Variants in ATXN8OS observed in about 807,000 individuals in gnomAD.
The protein encoded by ATXN8OS is ATXN8 opposite strand lncRNA.
intron 4 of ATXN8OS, among the ~76,000 whole-genome samples, chr13:70,155,556 T>C (rs9542190): frequency 0.4 from 61,330 of 152,032 alleles, 15,182 homozygotes; most frequent in South Asian, 0.55. Context: ...ATAAAGCTTC[T>C]CTCTATTTGC....
At chr13:70,149,523 C>T (rs1779677581) in intron 4 of ATXN8OS, among the ~76,000 whole-genome samples, 1 of 151,946 alleles carries the variant, frequency 6.6e-6, no homozygotes, top group South Asian at 2.1e-4. Flanking sequence ...AAACTGTTTC[C>T]TGGAATCCTT....
chr13:70,145,494 T>C (rs868613929), intron 3 of ATXN8OS, among the ~76,000 whole-genome samples: 26 of 152,172 alleles, frequency 1.7e-4, no homozygotes, highest in African/African-American at 6.0e-4. Flanking sequence ...CATGGAATGT[T>C]CTTCCATTTG....
chr13:70,135,582 G>A (rs1037857421), intron 3 of ATXN8OS, among the ~76,000 whole-genome samples: 1 of 151,964 alleles, frequency 6.6e-6, no homozygotes, highest in African/African-American at 2.4e-5. Context: ...GCTTCCTACT[G>A]GGAAGTTCTG....
intron 1 of ATXN8OS, among the ~76,000 whole-genome samples, chr13:70,114,750 C>T (rs1427161122): frequency 6.6e-6 from 1 of 152,118 alleles, no homozygotes; most frequent in Non-Finnish European, 1.5e-5. Flanking sequence ...TTCATTCTAT[C>T]TTGATACAAA....
At chr13:70,168,423 T>A (rs1370004643) in intron 4 of ATXN8OS, among the ~76,000 whole-genome samples, 1 of 152,056 alleles carries the variant, frequency 6.6e-6, no homozygotes, top group Admixed American at 6.6e-5. Context: ...TGTTGCTGAC[T>A]ATAGTTATCC....
At chr13:70,155,798 A>C (rs565418591) in intron 4 of ATXN8OS, among the ~76,000 whole-genome samples, 2 of 72,902 alleles carry the variant, frequency 2.7e-5, no homozygotes, top group African/African-American at 2.0e-4. Flanking sequence ...AAACTGAGAC[A>C]AAAAAAAAAT....
intron 4 of ATXN8OS, among the ~76,000 whole-genome samples, chr13:70,152,380 TACATATATATAC>T (rs1428655213): frequency 2.6e-5 from 4 of 151,916 alleles, no homozygotes. Flanking sequence ...TATATATGTA[TACATATATATAC>T]ACATATATAC....
chr13:70,151,318 G>T (rs926579542), intron 4 of ATXN8OS, among the ~76,000 whole-genome samples: 2 of 151,790 alleles, frequency 1.3e-5, no homozygotes, highest in South Asian at 4.1e-4. Context: ...CCCTTCCCCC[G>T]GCAACTGACA....
intron 2 of ATXN8OS, among the ~76,000 whole-genome samples, chr13:70,119,186 G>C (rs1888324566): frequency 1.3e-5 from 2 of 151,968 alleles, no homozygotes; most frequent in Non-Finnish European, 2.9e-5. Context: ...TACAGCTTAT[G>C]CATCAGTTTT....
chr13:70,129,917 T>C lies in ATXN8OS; in HGVS notation n.499+33T>C, dbSNP rs577763220. On this transcript the variant is annotated intron_variant and non_coding_transcript_variant, in intron 3 of 4. Coordinates refer to ENST00000678624, the Ensembl canonical transcript of ATXN8OS. ...CATCAAAAGGTTGTACTGGTGATAA[T>C]GGCCAGGTGTGTGCCATTAGTGCCT... 54 of 398,444 alleles carry C rather than the reference T, an allele frequency of 1.4e-4. 1 individual carries two copies. The highest frequency in any genetic ancestry group is 1.0e-3 in the African/African-American group (50 of 48,736). The allele number at this position is 398,444 out of a possible 1,614,324, so 24.7% of individuals were successfully genotyped here.
chr13:70,161,048 G>T (rs1212380928), intron 4 of ATXN8OS, among the ~76,000 whole-genome samples: 2 of 151,258 alleles, frequency 1.3e-5, no homozygotes, highest in African/African-American at 4.8e-5. Flanking sequence ...ATTAGAAAAT[G>T]TCTGAATTTA....
chr13:70,169,154 A>T (rs992318588), intron 4 of ATXN8OS, among the ~76,000 whole-genome samples: 2 of 152,212 alleles, frequency 1.3e-5, no homozygotes, highest in Admixed American at 6.5e-5. Context: ...GGCTTGTTAC[A>T]TAATTAATAG....
chr13:70,139,400 T>TGCCGCTGCCGCTGCC, intron 3 of ATXN8OS: 1 of 630,252 alleles, frequency 1.6e-6, no homozygotes, highest in Non-Finnish European at 2.6e-6. Flanking sequence ...CTGCTGCTGC[T>TGCCGCTGCCGCTGCC]GCTGCTGCTG....
chr13:70,152,437 A>ATGTG (rs768442796), intron 4 of ATXN8OS, among the ~76,000 whole-genome samples: 1 of 152,030 alleles, frequency 6.6e-6, no homozygotes, highest in South Asian at 2.1e-4. Context: ...ATGTACATAT[A>ATGTG]TGTGTATGTA....
At chr13:70,140,834 C>T (rs1888704582) in intron 3 of ATXN8OS, among the ~76,000 whole-genome samples, 1 of 151,986 alleles carries the variant, frequency 6.6e-6, no homozygotes, top group Non-Finnish European at 1.5e-5. Flanking sequence ...AGTGTTCCAG[C>T]TTATTCTATG....
chr13:70,129,129 G>A (rs1223298641), intron 2 of ATXN8OS, among the ~76,000 whole-genome samples: 2 of 152,060 alleles, frequency 1.3e-5, no homozygotes, highest in Admixed American at 6.6e-5. Flanking sequence ...CAAAGTGCTG[G>A]GAGTACAGGC....
At chr13:70,147,092 G>A (rs1888796799) in intron 3 of ATXN8OS, among the ~76,000 whole-genome samples, 1 of 152,082 alleles carries the variant, frequency 6.6e-6, no homozygotes, top group Admixed American at 6.6e-5. Context: ...AAAGCTACAA[G>A]TGGATTCCAA....
At chr13:70,144,190 T>G (rs1451162624) in intron 3 of ATXN8OS, among the ~76,000 whole-genome samples, 1 of 152,138 alleles carries the variant, frequency 6.6e-6, no homozygotes, top group Non-Finnish European at 1.5e-5. Context: ...CTTCATCCCA[T>G]TATCAAAATG....
chr13:70,119,516 T>G (rs1214242465), intron 2 of ATXN8OS, among the ~76,000 whole-genome samples: 1 of 152,156 alleles, frequency 6.6e-6, no homozygotes, highest in African/African-American at 2.4e-5. Flanking sequence ...GTGAACTGAT[T>G]GTTCTCTATT....
Sources: allele counts gnomAD v4.1 joint callset (sites outside exome capture counted in the v4.1 genomes callset), GRCh38; gene constraint gnomAD v4.1.1; transcripts MANE v1.5; gene names NCBI Gene and HGNC (gene_info 2026-07-23, HGNC 2026-07-21).